Variants in CNOT6L observed in about 807,000 individuals in gnomAD.
CNOT6L encodes CCR4-NOT transcription complex subunit 6-like.
A neutral mutation model predicts 64.0 loss-of-function variants in CNOT6L; 7 were observed. The observed-to-expected ratio is 0.11, with a 90% CI of 0.06 to 0.21. The LOEUF (loss-of-function observed/expected upper bound fraction) is 0.21, where lower values mean the gene tolerates loss of function less well. CNOT6L is among the 10% of genes least tolerant of loss of function. The pLI, the probability that CNOT6L is intolerant of heterozygous loss-of-function variation, is 1.00. For synonymous variants in CNOT6L, 193 were observed against 243.4 expected (o/e 0.79, Z 1.93); for missense variants, 245 against 669.0 (o/e 0.37, Z 6.99).
Position 77,731,466 on chromosome 4 carries a change from A to T in CNOT6L, c.945T>A (p.Ala315=), listed in dbSNP as rs370989602. The T allele has an allele frequency of 1.2e-6, 2 of 1,611,188 alleles. No homozygotes were observed. The highest frequency in any genetic ancestry group is 4.5e-5 in the East Asian group (2 of 44,810). The change falls in exon 9 of 12, where the codon GCT becomes GCA. Residue 315 remains alanine, a synonymous_variant. Coordinates refer to ENST00000504123, the MANE Select transcript of CNOT6L (RefSeq NM_144571.3). ...CTTTTGTCATCACTCTGTTCAGCAT[A>T]GCTTCGGATCCATCTGAATTAGCCA... ...VAMANSDGSE[A]MLNRVMTKDN... is the part of the protein sequence containing the mutation.
chr4:77,767,417 T>C (rs1040263235), intron 4 of CNOT6L, among the ~76,000 whole-genome samples: 1 of 152,110 alleles, frequency 6.6e-6, no homozygotes, highest in Non-Finnish European at 1.5e-5. Flanking sequence ...GAGGAGACTT[T>C]CAAAACCAGG....
At chr4:77,768,470 AAT>A (rs747255513) in intron 4 of CNOT6L, among the ~76,000 whole-genome samples, 35 of 134,354 alleles carry the variant, frequency 2.6e-4, no homozygotes, top group African/African-American at 9.2e-4. Flanking sequence ...GTCTAAAATA[AAT>A]AAATATATAT....
chr4:77,801,795 A>G (rs1404978113), intron 1 of CNOT6L, among the ~76,000 whole-genome samples: 1 of 151,356 alleles, frequency 6.6e-6, no homozygotes, highest in Non-Finnish European at 1.5e-5. Context: ...AAGCTGAGGC[A>G]GGAGGACTGC....
At chr4:77,767,991 A>G (rs1662961826) in intron 4 of CNOT6L, among the ~76,000 whole-genome samples, 5 of 151,816 alleles carry the variant, frequency 3.3e-5, no homozygotes, top group Admixed American at 1.3e-4. Flanking sequence ...AAAAAAAAAA[A>G]AAAAAAAAAA....
At chr4:77,783,196 C>T (rs1729083375) in intron 1 of CNOT6L, among the ~76,000 whole-genome samples, 1 of 147,274 alleles carries the variant, frequency 6.8e-6, no homozygotes, top group African/African-American at 2.5e-5. Context: ...GGCAAAGTCA[C>T]TCATCATTAT....
intron 1 of CNOT6L, among the ~76,000 whole-genome samples, chr4:77,812,894 T>TTCA (rs1404352337): frequency 6.6e-6 from 1 of 152,188 alleles, no homozygotes; most frequent in Non-Finnish European, 1.5e-5. Flanking sequence ...AAAAGAGTTT[T>TTCA]TCATTTTTTC....
intron 5 of CNOT6L, among the ~76,000 whole-genome samples, chr4:77,755,222 A>AGTT (rs1725398628): frequency 1.7e-5 from 2 of 120,078 alleles, no homozygotes; most frequent in East Asian, 2.8e-4. Context: ...TAGAGACAAG[A>AGTT]GTTTTTTTTT....
At chr4:77,745,491 C>T (rs1197245080) in intron 6 of CNOT6L, among the ~76,000 whole-genome samples, 1 of 152,190 alleles carries the variant, frequency 6.6e-6, no homozygotes, top group Admixed American at 6.5e-5. Flanking sequence ...TGAAGACCAG[C>T]AGCATCAGTA....
At chr4:77,820,233 A>AGGAGGGTTGATTGACGT (rs1734124823), upstream of CNOT6L, among the ~76,000 whole-genome samples, 1 of 151,920 alleles carries the variant, frequency 6.6e-6, no homozygotes, top group African/African-American at 2.4e-5. Flanking sequence ...TGCGAGAACG[A>AGGAGGGTTGATTGACGT]GGAGGGTTGA....
At position 77,732,622 on chromosome 4, in the gene CNOT6L, A is replaced by G. The variant is rs577271287; in HGVS notation, c.873-1084T>C. Among the ~76,000 whole-genome samples, 3 of 152,196 alleles carry G rather than the reference A, an allele frequency of 2.0e-5. No homozygotes were observed. In the South Asian group the frequency reaches 6.2e-4, roughly 32 times the overall value. On this transcript the variant is annotated intron_variant, in intron 8 of 11. Coordinates refer to ENST00000504123, the MANE Select transcript of CNOT6L (RefSeq NM_144571.3). ...ACTGACAAGTGTAAAGGGTCAGTTT[A>G]TGTGCCTATTTCTAACCCAGAGTGC... is the stretch of plus-strand genomic sequence containing the variant.
intron 1 of CNOT6L, 49 bp downstream of exon 1, chr4:77,819,255 C>T (rs776992167): frequency 8.7e-6 from 14 of 1,613,384 alleles, no homozygotes; most frequent in Admixed American, 3.3e-5. Context: ...GGGACGCGCT[C>T]CTCTTCCCAA....
chr4:77,720,718 C>A, intron 11 of CNOT6L, 75 bp from the exon 12 acceptor site: 2 of 1,452,642 alleles, frequency 1.4e-6, no homozygotes, highest in Non-Finnish European at 1.9e-6. Context: ...TTATAAAAAC[C>A]AAAAAACTGA....
chr4:77,785,201 T>C (rs1729299614), intron 1 of CNOT6L, among the ~76,000 whole-genome samples: 3 of 152,156 alleles, frequency 2.0e-5, no homozygotes, highest in Non-Finnish European at 1.5e-5. Context: ...CAAATGGTGC[T>C]AGAACAATGG....
chr4:77,738,223 C>T (rs1287323052), intron 8 of CNOT6L, among the ~76,000 whole-genome samples: 1 of 152,150 alleles, frequency 6.6e-6, no homozygotes, highest in Non-Finnish European at 1.5e-5. Context: ...GCAATGATCA[C>T]ACTGTTCTAA....
chr4:77,739,540 A>C (rs966349279), intron 8 of CNOT6L, among the ~76,000 whole-genome samples: 12 of 152,190 alleles, frequency 7.9e-5, no homozygotes, highest in African/African-American at 2.7e-4. Flanking sequence ...TAATACTTTA[A>C]ATTCCAAATA....
intron 1 of CNOT6L, among the ~76,000 whole-genome samples, chr4:77,813,967 T>A (rs1052070714): frequency 1.3e-5 from 2 of 152,184 alleles, no homozygotes; most frequent in African/African-American, 2.4e-5. Context: ...CGGCATGATT[T>A]ATAATGATAG....
intron 1 of CNOT6L, among the ~76,000 whole-genome samples, chr4:77,801,696 G>GGGGGA (rs1731592074): frequency 7.5e-6 from 1 of 133,628 alleles, no homozygotes; most frequent in South Asian, 2.7e-4. Flanking sequence ...AAATTGGGGG[G>GGGGGA]GGGGGAGAAT....
chr4:77,752,195 G>C (rs1724935198), intron 5 of CNOT6L, among the ~76,000 whole-genome samples: 1 of 152,106 alleles, frequency 6.6e-6, no homozygotes, highest in Non-Finnish European at 1.5e-5. Flanking sequence ...AATCAGTAAA[G>C]TAAATGTGCA....
chr4:77,784,107 C>T (rs1448431636), intron 1 of CNOT6L, among the ~76,000 whole-genome samples: 1 of 151,960 alleles, frequency 6.6e-6, no homozygotes, highest in Non-Finnish European at 1.5e-5. Context: ...CTCTGGAAAG[C>T]GATGAGGGCA....
Sources: gnomAD v4.1 joint callset for allele counts (sites outside exome capture counted in the v4.1 genomes callset) on GRCh38, gnomAD v4.1.1 for gene constraint, MANE v1.5 for transcripts, NCBI Gene and HGNC (gene_info 2026-07-23, HGNC 2026-07-21) for gene names.